ARHGEF3: variants seen among roughly 807,000 people sequenced by gnomAD.
ARHGEF3 encodes the protein 59.8 kDA protein.
Under a neutral mutation model 63.2 loss-of-function variants are expected in ARHGEF3, and 28 were observed. That is an observed-to-expected ratio of 0.44 (90% CI 0.33 to 0.61). The LOEUF (loss-of-function observed/expected upper bound fraction) is 0.61. Ranked by LOEUF, ARHGEF3 falls within the 20% of genes least tolerant of loss-of-function variation. The pLI, the probability that ARHGEF3 is intolerant of heterozygous loss-of-function variation, is 0.03. For synonymous variants in ARHGEF3, 266 were observed against 254.2 expected (o/e 1.05, Z -0.44); for missense variants, 533 against 659.3 (o/e 0.81, Z 2.10).
At chr3:56,754,843 G>A (rs147780199) in intron 3 of ARHGEF3, 138 bp downstream of exon 3, 8 of 1,173,878 alleles carry the variant, frequency 6.8e-6, no homozygotes, top group African/African-American at 4.6e-5. Flanking sequence ...CTTCCCCAAG[G>A]TCAGACACTC....
At chr3:56,825,312 A>G (rs1204751334) in intron 4 of ARHGEF3, among the ~76,000 whole-genome samples, 19 of 152,224 alleles carry the variant, frequency 1.2e-4, no homozygotes, top group Non-Finnish European at 1.5e-5. Context: ...TTCACAAGCT[A>G]TAGAATATTC....
intron 3 of ARHGEF3, among the ~76,000 whole-genome samples, chr3:56,958,273 C>T (rs1179705842): frequency 2.0e-5 from 3 of 151,972 alleles, no homozygotes; most frequent in African/African-American, 7.2e-5. Flanking sequence ...CAGCCCAAGA[C>T]CCTCAGGGCA....
intron 2 of ARHGEF3, among the ~76,000 whole-genome samples, chr3:56,758,627 C>A (rs1255358172): frequency 6.6e-6 from 1 of 152,190 alleles, no homozygotes; most frequent in Non-Finnish European, 1.5e-5. Context: ...GATGGCTGGA[C>A]CAGCCCTATG....
At chr3:56,738,287 C>A (rs7612708) in intron 7 of ARHGEF3, among the ~76,000 whole-genome samples, 1,944 of 152,202 alleles carry the variant, frequency 0.013, 41 homozygotes, top group African/African-American at 0.044. Flanking sequence ...ATCCCCCTGC[C>A]TCAGCCTCCC....
intron 1 of ARHGEF3, among the ~76,000 whole-genome samples, chr3:57,061,743 G>C (rs1028757717): frequency 6.6e-6 from 1 of 152,166 alleles, no homozygotes; most frequent in African/African-American, 2.4e-5. Flanking sequence ...CTAACTCTCA[G>C]TGAGCAGTCT....
intron 1 of ARHGEF3, chr3:57,073,958 A>T: frequency 6.2e-7 from 1 of 1,614,244 alleles, no homozygotes; most frequent in Non-Finnish European, 8.5e-7. Context: ...ATTTACAAGC[A>T]GCCATCTCTC....
intron 1 of ARHGEF3, among the ~76,000 whole-genome samples, chr3:57,056,384 CAA>C (rs10666149): frequency 8.3e-5 from 9 of 108,306 alleles, no homozygotes; most frequent in Non-Finnish European, 5.3e-5. Context: ...AAGACTCCAT[CAA>C]AAAAAAAAAA....
At chr3:56,835,833 T>C (rs1010862962) in intron 4 of ARHGEF3, among the ~76,000 whole-genome samples, 1 of 152,098 alleles carries the variant, frequency 6.6e-6, no homozygotes, top group Non-Finnish European at 1.5e-5. Flanking sequence ...TCACCCATGG[T>C]TCACCCCTGA....
chr3:57,009,394 T>C (rs1560128892), intron 2 of ARHGEF3, among the ~76,000 whole-genome samples: 1 of 152,342 alleles, frequency 6.6e-6, no homozygotes, highest in East Asian at 1.9e-4. Flanking sequence ...CCGGACCCTC[T>C]GACCTCTATG....
intron 4 of ARHGEF3, among the ~76,000 whole-genome samples, chr3:56,880,063 T>C (rs2040714755): frequency 1.3e-5 from 2 of 152,226 alleles, no homozygotes; most frequent in African/African-American, 4.8e-5. Context: ...GCAGTTTTCA[T>C]GTTCCTCCAA....
At chr3:57,048,832 A>G (rs1314500958) in intron 1 of ARHGEF3, among the ~76,000 whole-genome samples, 1 of 152,124 alleles carries the variant, frequency 6.6e-6, no homozygotes, top group Non-Finnish European at 1.5e-5. Flanking sequence ...CATTGCCACT[A>G]CCCAGAAACC....
At chr3:56,970,635 G>A (rs1284866515) in intron 2 of ARHGEF3, among the ~76,000 whole-genome samples, 1 of 152,224 alleles carries the variant, frequency 6.6e-6, no homozygotes, top group Non-Finnish European at 1.5e-5. Flanking sequence ...CAGCTGGTCT[G>A]TCTTCTGCTC....
At chr3:56,916,493 T>C in intron 3 of ARHGEF3, 10 of 1,385,884 alleles carry the variant, frequency 7.2e-6, no homozygotes, top group Non-Finnish European at 9.4e-6. Context: ...ACAGGGGCCA[T>C]CAGTTACAAG....
chr3:56,925,685 T>TA (rs1403217751), intron 3 of ARHGEF3, among the ~76,000 whole-genome samples: 45 of 152,220 alleles, frequency 3.0e-4, no homozygotes, highest in African/African-American at 9.9e-4. Context: ...TCAGAAGGGT[T>TA]AAAAAAAGTT....
chr3:56,885,192 G>T (rs1321570193), intron 3 of ARHGEF3, among the ~76,000 whole-genome samples: 1 of 152,154 alleles, frequency 6.6e-6, no homozygotes, highest in Non-Finnish European at 1.5e-5. Flanking sequence ...GTAACCCCAT[G>T]CCCTTCTTGA....
At chr3:57,053,832 G>C (rs1704784160) in intron 1 of ARHGEF3, among the ~76,000 whole-genome samples, 1 of 152,244 alleles carries the variant, frequency 6.6e-6, no homozygotes, top group African/African-American at 2.4e-5. Context: ...GCATGCAGCA[G>C]TGGTTCCTTC....
intron 3 of ARHGEF3, among the ~76,000 whole-genome samples, chr3:56,946,034 C>T (rs1326568864): frequency 6.6e-6 from 1 of 152,178 alleles, no homozygotes; most frequent in East Asian, 1.9e-4. Flanking sequence ...GAGTGGACCT[C>T]CAGCAAACTC....
At chr3:56,972,534 AG>A (rs1269096994) in intron 2 of ARHGEF3, among the ~76,000 whole-genome samples, 1 of 152,040 alleles carries the variant, frequency 6.6e-6, no homozygotes, top group East Asian at 1.9e-4. Context: ...AAAGCAGGGT[AG>A]GGGATCGGGG....
At chr3:57,022,610 A>T (rs1233439106) in intron 2 of ARHGEF3, among the ~76,000 whole-genome samples, 2 of 152,108 alleles carry the variant, frequency 1.3e-5, no homozygotes, top group East Asian at 3.9e-4. Context: ...TGAAACTCAC[A>T]GCTGTACCCA....
Sources: gnomAD v4.1 joint callset for allele counts (sites outside exome capture counted in the v4.1 genomes callset) on GRCh38, gnomAD v4.1.1 for gene constraint, MANE v1.5 for transcripts, NCBI Gene and HGNC (gene_info 2026-07-23, HGNC 2026-07-21) for gene names.